GRK5: variants seen among roughly 807,000 people sequenced by gnomAD.
GRK5 encodes the protein g protein-coupled receptor kinase GRK5.
A neutral mutation model predicts 78.4 loss-of-function variants in GRK5; 40 were observed. That is an observed-to-expected ratio of 0.51 (90% CI 0.40 to 0.66). The LOEUF (loss-of-function observed/expected upper bound fraction) is 0.66, where lower values mean the gene tolerates loss of function less well. Among genes scored for constraint, GRK5 ranks in the 30% least tolerant of loss-of-function variants. The pLI is 0.00. For synonymous variants in GRK5, 289 were observed against 296.8 expected, an observed-to-expected ratio of 0.97 and a Z score of 0.27; for missense variants, 598 against 759.9, an observed-to-expected ratio of 0.79 and a Z score of 2.50.
rs527735295 is a variant in GRK5 at position 119,396,718 on chromosome 10, T to C, written c.285T>C (p.Asp95=). ...AGGCAGAATATGAAGTTACTCCAGA[T>C]GAAAAACTGGGAGAGAAAGGGAAGG... ...DSVAEYEVTP[D]EKLGEKGKEI... is the part of the protein sequence containing the mutation. The change falls in exon 4 of 16, where the codon GAT becomes GAC. Residue 95 remains aspartate (D), a synonymous_variant. Coordinates refer to ENST00000392870, the MANE Select transcript of GRK5 (RefSeq NM_005308.3). 1.2e-6 allele frequency: 2 copies of C among 1,613,502 alleles called. No homozygotes were observed. Among genetic ancestry groups the C allele is most frequent in the African/African-American group, 2.7e-5 (2 of 75,020 alleles).
At chr10:119,354,841 T>C (rs1022527080) in intron 2 of GRK5, among the ~76,000 whole-genome samples, 2 of 152,180 alleles carry the variant, frequency 1.3e-5, no homozygotes, top group South Asian at 2.1e-4. Flanking sequence ...TACAAAACCC[T>C]GAGTATTGGA....
rs76422636 is a variant in GRK5, at chr10:119,207,705, A to AGCG, written c.-186_-184dup. On this transcript the variant is annotated 5_prime_UTR_variant, in exon 1 of 16. Coordinates refer to ENST00000392870, the MANE Select transcript of GRK5 (RefSeq NM_005308.3). ...GAGGGGGGACACAGAGGGAGGAAGA[A>AGCG]GCGGCGGCGGCGGCGGCGGCGGCGG... The AGCG allele has an allele frequency of 2.0e-5, 9 of 446,844 alleles. No homozygotes were observed. The highest frequency in any genetic ancestry group is 5.1e-5 in the African/African-American group (2 of 39,378). 27.7% of individuals were successfully genotyped at this position (446,844 alleles called of 1,614,324 possible). A position where few individuals can be genotyped will look rare whatever the true frequency, so the allele number is the denominator to read the frequency against.
intron 1 of GRK5, among the ~76,000 whole-genome samples, chr10:119,298,009 T>G (rs748406082): frequency 6.6e-6 from 1 of 152,178 alleles, no homozygotes; most frequent in Non-Finnish European, 1.5e-5. Flanking sequence ...GGGACCTCAC[T>G]TTGTCTTTCT....
chr10:119,377,327 A>AAG (rs1195742987), intron 2 of GRK5, among the ~76,000 whole-genome samples: 2 of 152,214 alleles, frequency 1.3e-5, no homozygotes, highest in East Asian at 3.9e-4. Flanking sequence ...TTGATACATC[A>AAG]AGAACTTTGA....
chr10:119,351,121 A>G (rs2133798280), intron 2 of GRK5, among the ~76,000 whole-genome samples: 1 of 152,334 alleles, frequency 6.6e-6, no homozygotes, highest in East Asian at 1.9e-4. Flanking sequence ...TGTGTTATGC[A>G]TTTATTTTAA....
chr10:119,276,279 C>T (rs868625096), intron 1 of GRK5, among the ~76,000 whole-genome samples: 1 of 151,964 alleles, frequency 6.6e-6, no homozygotes, highest in East Asian at 1.9e-4. Flanking sequence ...CCTCCCACCC[C>T]ACAACAGTCC....
intron 1 of GRK5, among the ~76,000 whole-genome samples, chr10:119,240,189 CTTTT>C (rs55905745): frequency 1.0e-4 from 7 of 70,096 alleles, no homozygotes; most frequent in East Asian, 3.8e-4. Flanking sequence ...TGTTTCCCGA[CTTTT>C]TTTTTTTTTT....
At chr10:119,272,495 A>C (rs1451199115) in intron 1 of GRK5, among the ~76,000 whole-genome samples, 1 of 151,166 alleles carries the variant, frequency 6.6e-6, no homozygotes, top group East Asian at 1.9e-4. Context: ...AGAATCACCT[A>C]AACCTGGGAG....
chr10:119,442,109 G>C, intron 11 of GRK5, 21 bp downstream of exon 11: 2 of 1,605,608 alleles, frequency 1.2e-6, no homozygotes, highest in Non-Finnish European at 1.7e-6. Flanking sequence ...GGCTGCCTGT[G>C]TCAATGCACC....
At chr10:119,277,319 A>G (rs1849686938) in intron 1 of GRK5, among the ~76,000 whole-genome samples, 1 of 152,152 alleles carries the variant, frequency 6.6e-6, no homozygotes, top group Non-Finnish European at 1.5e-5. Context: ...GGCTCTCCAA[A>G]CTAGTTGTGG....
At chr10:119,426,446 G>A (rs529946203) in intron 6 of GRK5, among the ~76,000 whole-genome samples, 9 of 152,280 alleles carry the variant, frequency 5.9e-5, no homozygotes, top group Non-Finnish European at 1.2e-4. Context: ...TCCGAGTCCC[G>A]CCTCTGCCTC....
At chr10:119,300,597 A>G (rs1850161576) in intron 1 of GRK5, among the ~76,000 whole-genome samples, 1 of 152,200 alleles carries the variant, frequency 6.6e-6, no homozygotes, top group Non-Finnish European at 1.5e-5. Flanking sequence ...GACAGAGAAT[A>G]AGGTTCACCT....
At chr10:119,390,566 G>A (rs1376310092) in intron 3 of GRK5, among the ~76,000 whole-genome samples, 1 of 152,108 alleles carries the variant, frequency 6.6e-6, no homozygotes, top group African/African-American at 2.4e-5. Context: ...ATGGTGGCGT[G>A]CGCCTGTAGT....
At position 119,207,648 on chromosome 10, in the gene GRK5, G is replaced by C. The variant is rs1589677692; in HGVS notation, c.-270G>C. ...GAGTGACAGAGACACGCGGAGGGTG[G>C]GGGGTGGGGGGGAGCGTGTTGAGGG... On this transcript the variant is annotated 5_prime_UTR_variant, in exon 1 of 16. Transcript: ENST00000392870. 2 of 379,496 alleles carry C rather than the reference G, an allele frequency of 5.3e-6. No individual in the cohort carries two copies. The highest frequency in any genetic ancestry group is 9.5e-6 in the Non-Finnish European group (2 of 210,406). 23.5% of individuals were successfully genotyped at this position (379,496 alleles called of 1,614,324 possible).
intron 4 of GRK5, among the ~76,000 whole-genome samples, chr10:119,409,404 C>T (rs1480837673): frequency 6.6e-6 from 1 of 152,208 alleles, no homozygotes. Context: ...TCATGACCAT[C>T]CAGGTCAGAA....
intron 1 of GRK5, among the ~76,000 whole-genome samples, chr10:119,236,438 T>C (rs1589694145): frequency 6.6e-6 from 1 of 152,030 alleles, no homozygotes; most frequent in East Asian, 1.9e-4. Context: ...ATGGTCTCGA[T>C]CTCCCGATCT....
chr10:119,223,300 A>G (rs561719731), intron 1 of GRK5, among the ~76,000 whole-genome samples: 37 of 152,128 alleles, frequency 2.4e-4, no homozygotes, highest in Non-Finnish European at 3.4e-4. Flanking sequence ...TTACCTCCAT[A>G]AAGATCCTAT....
intron 1 of GRK5, among the ~76,000 whole-genome samples, chr10:119,250,722 A>T (rs79949963): frequency 7.9e-5 from 12 of 152,160 alleles, no homozygotes; most frequent in African/African-American, 2.9e-4. Flanking sequence ...TACACACAAA[A>T]TTGGAAGTGA....
At chr10:119,224,916 G>A (rs1213585962) in intron 1 of GRK5, among the ~76,000 whole-genome samples, 1 of 152,230 alleles carries the variant, frequency 6.6e-6, no homozygotes, top group Non-Finnish European at 1.5e-5. Flanking sequence ...GCTTGGCCAG[G>A]TGATCCTGGA....
Sources: gnomAD v4.1 joint callset for allele counts (sites outside exome capture counted in the v4.1 genomes callset) on GRCh38, gnomAD v4.1.1 for gene constraint, MANE v1.5 for transcripts, NCBI Gene and HGNC (gene_info 2026-07-23, HGNC 2026-07-21) for gene names.